The following TENM2 variants were observed in gnomAD, a reference collection of about 807,000 sequenced individuals.
The protein encoded by TENM2 is teneurin-2.
A neutral mutation model predicts 245.2 loss-of-function variants in TENM2; 52 were observed. That is an observed-to-expected ratio of 0.21 (90% CI 0.17 to 0.27). The LOEUF is 0.27. Ranked by LOEUF, TENM2 falls within the 10% of genes least tolerant of loss-of-function variation. TENM2 has a pLI of 1.00. For synonymous variants in TENM2, 1,363 were observed against 1,438.9 expected (o/e 0.95, Z 1.19); for missense variants, 3,046 against 3,666.8 (o/e 0.83, Z 4.37).
intron 2 of TENM2, among the ~76,000 whole-genome samples, chr5:167,654,427 C>T (rs1037544543): frequency 6.6e-6 from 1 of 152,000 alleles, no homozygotes; most frequent in Non-Finnish European, 1.5e-5. Context: ...TCATTTGCTC[C>T]CTGGGCACCT....
chr5:167,238,877 A>G, the TENM2 span, among the ~76,000 whole-genome samples: 2 of 152,162 alleles, frequency 1.3e-5, no homozygotes, highest in African/African-American at 4.8e-5. Context: ...ATTTTAGAAA[A>G]TAAGAAACAT....
At chr5:167,335,157 G>A (rs114089343) in intron 1 of TENM2, among the ~76,000 whole-genome samples, 1,774 of 152,282 alleles carry the variant, frequency 0.012, 32 homozygotes, top group African/African-American at 0.041. Flanking sequence ...GAGGCCTCAG[G>A]GAGCTTTGAC....
chr5:167,968,769 C>T (rs2546934), intron 4 of TENM2, among the ~76,000 whole-genome samples: 28,936 of 151,996 alleles, frequency 0.19, 2,908 homozygotes, highest in African/African-American at 0.26. Flanking sequence ...TGAGAAGGCA[C>T]AGGGAGCTAT....
chr5:167,839,523 T>A (rs1265786667), intron 2 of TENM2, among the ~76,000 whole-genome samples: 1 of 152,086 alleles, frequency 6.6e-6, no homozygotes, highest in African/African-American at 2.4e-5. Context: ...TAACTGGCTG[T>A]CATTTCAGAA....
At chr5:167,835,000 G>A (rs1011673884) in intron 2 of TENM2, among the ~76,000 whole-genome samples, 4 of 152,186 alleles carry the variant, frequency 2.6e-5, no homozygotes, top group African/African-American at 9.7e-5. Flanking sequence ...AGAGAAAGAT[G>A]TTATAGGCTT....
intron 3 of TENM2, among the ~76,000 whole-genome samples, chr5:167,895,140 A>G (rs1775115838): frequency 6.6e-6 from 1 of 152,160 alleles, no homozygotes; most frequent in African/African-American, 2.4e-5. Flanking sequence ...GAGACTTTCT[A>G]TTAGAATAGA....
the TENM2 span, among the ~76,000 whole-genome samples, chr5:167,265,150 A>G: frequency 6.6e-6 from 1 of 150,480 alleles, no homozygotes; most frequent in Non-Finnish European, 1.5e-5. Context: ...ACATGGTGAA[A>G]CCCCGTCTCT....
At chr5:167,219,033 T>C in the TENM2 span, among the ~76,000 whole-genome samples, 1 of 152,208 alleles carries the variant, frequency 6.6e-6, no homozygotes. Context: ...AATCAGATAA[T>C]TAACTGTCTG....
Position 168,218,933 on chromosome 5 carries a change from C to T in TENM2, c.5042C>T (p.Thr1681Ile), listed in dbSNP as rs752289035. The T allele has an allele frequency of 6.8e-6, 11 of 1,613,860 alleles. No homozygotes were observed. The African/African-American group carries it at 1.5e-4, about 22-fold the overall frequency. ...CAGAACCTGGAGCTTGGTCTCATGA[C>T]CTATGATGGCAACACTGGGCTCCTG... Residue 1681 changes from threonine (T) to isoleucine (I), a missense_variant, in exon 23 of 29, where the codon ACC (threonine) becomes ATC (isoleucine). Physicochemically the swap from Thr to Ile is moderately conservative, Grantham distance 89. Transcript: ENST00000518659. The surrounding 1 kb of genome is among the most constrained non-coding windows in gnomAD (Gnocchi z 5.2).
chr5:167,500,346 T>C (rs1769128920), intron 2 of TENM2, among the ~76,000 whole-genome samples: 1 of 152,124 alleles, frequency 6.6e-6, no homozygotes, highest in Non-Finnish European at 1.5e-5. Context: ...AATATGAATG[T>C]CCTTTTCCCC....
chr5:167,040,202 A>G, the TENM2 span, among the ~76,000 whole-genome samples: 2 of 152,072 alleles, frequency 1.3e-5, no homozygotes, highest in Admixed American at 6.5e-5. Flanking sequence ...CTTTCTAGGA[A>G]TGGTGTTCCT....
chr5:167,021,029 A>G, the TENM2 span, among the ~76,000 whole-genome samples: 1 of 152,322 alleles, frequency 6.6e-6, no homozygotes, highest in East Asian at 1.9e-4. Context: ...CTGTAGTCCC[A>G]GCTACTCAGG....
intron 2 of TENM2, among the ~76,000 whole-genome samples, chr5:167,741,385 G>T (rs771483885): frequency 2.0e-5 from 3 of 152,170 alleles, no homozygotes; most frequent in East Asian, 3.9e-4. Context: ...TAAGATTCAT[G>T]ATCTTCAAAA....
At chr5:167,752,993 G>T (rs959131750) in intron 2 of TENM2, among the ~76,000 whole-genome samples, 8 of 152,236 alleles carry the variant, frequency 5.3e-5, no homozygotes, top group Admixed American at 4.6e-4. Flanking sequence ...TAGCCAAGGG[G>T]ATGGTTGGCT....
At chr5:167,842,729 G>T (rs912077560) in intron 2 of TENM2, among the ~76,000 whole-genome samples, 2 of 151,994 alleles carry the variant, frequency 1.3e-5, no homozygotes, top group African/African-American at 4.8e-5. Context: ...ACCACTCAAG[G>T]AGCTGAGTCT....
Position 168,244,680 on chromosome 5 carries a change from T to C in TENM2, c.5781T>C (p.Ala1927=). ...GCCGCATCGTGTCCCGCATGTTCGCTGACGGGAAAGTGTGGAGCTACTCCT... is the reference window on the plus strand; with the variant it reads ...GCCGCATCGTGTCCCGCATGTTCGCCGACGGGAAAGTGTGGAGCTACTCCT... Residue 1927 remains alanine, a synonymous_variant, in exon 26 of 29, where the codon GCT becomes GCC. Transcript: ENST00000518659. This position sits in a 1 kb window ranked among gnomAD's most constrained non-coding sequence, Gnocchi z 4.9. The C allele has an allele frequency of 2.0e-6, 3 of 1,493,858 alleles. No homozygotes were observed. In the East Asian group the frequency reaches 7.2e-5, roughly 36 times the overall value. The allele number at this position is 1,493,858 out of a possible 1,614,324, so 92.5% of individuals were successfully genotyped here. A position where few individuals can be genotyped will look rare whatever the true frequency, so the allele number is the denominator to read the frequency against.
At chr5:167,439,732 C>T (rs945337826) in intron 2 of TENM2, among the ~76,000 whole-genome samples, 2 of 152,056 alleles carry the variant, frequency 1.3e-5, no homozygotes, top group Admixed American at 1.3e-4. Context: ...TTACATTATC[C>T]TTCTTCATCT....
At chr5:167,872,579 A>G (rs1018306242) in intron 2 of TENM2, among the ~76,000 whole-genome samples, 2 of 150,622 alleles carry the variant, frequency 1.3e-5, no homozygotes, top group African/African-American at 2.4e-5. Context: ...AGAAAGAAAG[A>G]AAGAGTATAC....
Position 168,218,263 on chromosome 5 carries a change from G to A in TENM2, c.4372G>A (p.Val1458Ile). ...TGCGGGACGCCCCATGCACTGCCAA[G>A]TTCCTGGCATTGACTACTCACTCAG... Residue 1458 changes from valine (V) to isoleucine (I), a missense_variant, in exon 23 of 29, where the codon GTT becomes ATT. Coordinates refer to ENST00000518659, the Ensembl canonical transcript of TENM2. The surrounding 1 kb of genome is among the most constrained non-coding windows in gnomAD (Gnocchi z 5.2). 2 of 1,613,336 alleles carry A rather than the reference G, an allele frequency of 1.2e-6. No individual in the cohort carries two copies. Among genetic ancestry groups the A allele is most frequent in the Non-Finnish European group, 1.7e-6 (2 of 1,179,820 alleles).
Sources: gnomAD v4.1 joint callset for allele counts (sites outside exome capture counted in the v4.1 genomes callset) on GRCh38, gnomAD v4.1.1 for gene constraint, Gnocchi (gnomAD v3.1) non-coding constraint, MANE v1.5 for transcripts, NCBI Gene and HGNC (gene_info 2026-07-23, HGNC 2026-07-21) for gene names.